Variants in USP2 observed in about 807,000 individuals in gnomAD.
USP2 encodes ubiquitin specific peptidase 2, also known as ubiquitin carboxyl-terminal hydrolase 2.
USP2 carries 33 observed loss-of-function variants against 72.0 expected under a neutral mutation model. The observed-to-expected ratio is 0.46, with a 90% CI of 0.35 to 0.61. The LOEUF (loss-of-function observed/expected upper bound fraction) is 0.61. Ranked by LOEUF, USP2 falls within the 20% of genes least tolerant of loss-of-function variation. The probability of loss-of-function intolerance (pLI) is 0.01; values close to 1 mark genes in which losing one functional copy is unlikely to be tolerated. For missense variants in USP2, 691 were observed against 797.8 expected, an observed-to-expected ratio of 0.87 and a Z score of 1.61; for synonymous variants, 296 against 312.5, an observed-to-expected ratio of 0.95 and a Z score of 0.56.
In USP2 at chr11:119,373,080, AC is replaced by A. The variant is rs1431504348; in HGVS notation, c.400del (p.Val134Ter). 1 of 1,613,786 alleles carries A rather than the reference AC, an allele frequency of 6.2e-7. No individual in the cohort carries two copies. The highest frequency in any genetic ancestry group is 1.7e-5 in the Admixed American group (1 of 60,002). On this transcript the variant is annotated frameshift_variant, in exon 2 of 13. Coordinates refer to ENST00000260187, the MANE Select transcript of USP2 (RefSeq NM_004205.5). LOFTEE classifies it high-confidence loss of function. ...YLPINAYDQG[V>X]TLTQKLDSQS... The stretch of plus-strand genomic sequence containing the variant: ...GCTGTCCAGCTTCTGGGTTAGGGTC[AC>A]CCCCTGGTCATAGGCATTGATGGGC...
intron 2 of USP2, among the ~76,000 whole-genome samples, chr11:119,362,146 A>G (rs145057880): frequency 7.3e-4 from 111 of 152,298 alleles, no homozygotes; most frequent in Middle Eastern, 3.4e-3. Flanking sequence ...GACCGTGTCA[A>G]TGTTCACCAA....
At chr11:119,359,762 T>C in intron 3 of USP2, 102 bp from the exon 4 acceptor site, 1 of 1,491,414 alleles carries the variant, frequency 6.7e-7, no homozygotes, top group South Asian at 1.3e-5. Flanking sequence ...TAGAATCCTT[T>C]CATAGGAGGC....
Position 119,355,939 on chromosome 11 carries a change from G to C in USP2, c.*896C>G, listed in dbSNP as rs1950641840. 6.6e-6 allele frequency: 1 copy of C among 152,016 alleles called. No individual in the cohort carries two copies. Among genetic ancestry groups the C allele is most frequent in the Admixed American group, 6.6e-5 (1 of 15,262 alleles). 9.4% of individuals were successfully genotyped at this position (152,016 alleles called of 1,614,324 possible). The stretch of plus-strand genomic sequence containing the variant: ...CCAGGCGGGTTTGAACAGAGCACTG[G>C]GGAAAAGGGAAGAGGCTGAGGGATA... On this transcript the variant is annotated 3_prime_UTR_variant, in exon 13 of 13. Transcript: ENST00000260187.
chr11:119,367,072 C>G (rs566608015), intron 2 of USP2, among the ~76,000 whole-genome samples: 22 of 152,184 alleles, frequency 1.4e-4, no homozygotes, highest in Admixed American at 3.9e-4. Context: ...CTCGGCCAGC[C>G]AGGTCTCTGT....
At chr11:119,378,628 G>A (rs1470190685) in intron 1 of USP2, among the ~76,000 whole-genome samples, 1 of 152,224 alleles carries the variant, frequency 6.6e-6, no homozygotes, top group Non-Finnish European at 1.5e-5. Context: ...TGGAGAAGAA[G>A]TGGATGGGCC....
Position 119,359,567 on chromosome 11 carries a change from C to T in USP2, c.919G>A (p.Gly307Ser), listed in dbSNP as rs201598684. The change falls in exon 4 of 13, where the codon GGC becomes AGC. Residue 307 changes from glycine to serine, a missense_variant. By Grantham distance (56) the Gly-to-Ser change is moderately conservative. Coordinates refer to ENST00000260187, the MANE Select transcript of USP2 (RefSeq NM_004205.5). ...ACGAGGGCTGTGTGTGCATTGCTGC[C>T]GTGGTGCAGGTCCCGCATGTAGAGC... ...QRLYMRDLHH[G>S]SNAHTALVEE... The T allele has an allele frequency of 3.1e-4, 505 of 1,613,952 alleles. 1 individual carries two copies. Among genetic ancestry groups the T allele is most frequent in the East Asian group, 6.0e-4 (27 of 44,864 alleles).
chr11:119,364,632 C>T (rs1275115799), intron 2 of USP2, among the ~76,000 whole-genome samples: 1 of 152,202 alleles, frequency 6.6e-6, no homozygotes, highest in Non-Finnish European at 1.5e-5. Flanking sequence ...GGGCGAAATA[C>T]GTATATGCAC....
rs750179259 is a variant in USP2, at chr11:119,373,157, G to A, written c.324C>T (p.Ser108=). 57 of 1,613,988 alleles carry A rather than the reference G, an allele frequency of 3.5e-5. No individual in the cohort carries two copies. The highest frequency in any genetic ancestry group is 1.9e-4 in the South Asian group (17 of 91,088). The change falls in exon 2 of 13, where the codon AGC becomes AGT. Residue 108 remains serine (S), a synonymous_variant. Coordinates refer to ENST00000260187, the MANE Select transcript of USP2 (RefSeq NM_004205.5). The part of the protein sequence containing the change: ...GTERPLGSGL[S]GGSGFPYGVT... ...CTCCATAAGGGAATCCGCTGCCCCC[G>A]CTGAGGCCACTGCCTAAAGGCCGCT...
chr11:119,359,501 G>T (rs749559370), intron 4 of USP2, 36 bp downstream of exon 4: 1 of 1,612,270 alleles, frequency 6.2e-7, no homozygotes. Flanking sequence ...GGAGCATCCG[G>T]GGGTAGGCAG....
intron 1 of USP2, among the ~76,000 whole-genome samples, chr11:119,376,055 C>T (rs1950996745): frequency 6.6e-6 from 1 of 152,230 alleles, no homozygotes; most frequent in Non-Finnish European, 1.5e-5. Flanking sequence ...TGGAAGCTGC[C>T]TCTCGGCTCT....
At chr11:119,370,314 C>G (rs753044293) in intron 2 of USP2, among the ~76,000 whole-genome samples, 2 of 152,260 alleles carry the variant, frequency 1.3e-5, no homozygotes, top group Non-Finnish European at 2.9e-5. Flanking sequence ...ATTTACTAAG[C>G]AACATGCCAG....
At position 119,378,096 on chromosome 11, in the gene USP2, C is replaced by T. The variant is rs368367349; in HGVS notation, c.-42+3377G>A. Among the ~76,000 whole-genome samples the T allele has an allele frequency of 3.9e-5, 6 of 152,228 alleles. No homozygotes were observed. In the South Asian group the frequency reaches 1.0e-3, roughly 26 times the overall value. ...CCCGCCAGGTGGTTGGGAGCCCCCA[C>T]AGTGGTGACCTCAGAGCTTCCTAAA... On this transcript the variant is annotated intron_variant, in intron 1 of 12. Coordinates refer to ENST00000260187, the MANE Select transcript of USP2 (RefSeq NM_004205.5).
chr11:119,368,521 A>G (rs150603723), intron 2 of USP2, among the ~76,000 whole-genome samples: 1 of 152,344 alleles, frequency 6.6e-6, no homozygotes, highest in Non-Finnish European at 1.5e-5. Context: ...GGGAAAAATC[A>G]CATGACCTCA....
At chr11:119,359,378 T>G (rs1424854562) in intron 4 of USP2, 36 bp from the exon 5 acceptor site, 1 of 1,593,270 alleles carries the variant, frequency 6.3e-7, no homozygotes, top group Non-Finnish European at 8.5e-7. Context: ...ACAGCTGAGA[T>G]ATTTTCTATA....
intron 1 of USP2, among the ~76,000 whole-genome samples, chr11:119,375,413 C>T (rs1950987566): frequency 6.6e-6 from 1 of 152,218 alleles, no homozygotes; most frequent in Non-Finnish European, 1.5e-5. Context: ...TACTGTCTAG[C>T]CTTTTGCCAC....
chr11:119,365,873 CT>C (rs1222609444), intron 2 of USP2, among the ~76,000 whole-genome samples: 1 of 150,868 alleles, frequency 6.6e-6, no homozygotes, highest in African/African-American at 2.4e-5. Context: ...GCTGTAGTAA[CT>C]ATTACCTCTA....
At chr11:119,356,973 C>G in intron 12 of USP2, 51 bp from the exon 13 acceptor site, 1 of 1,541,872 alleles carries the variant, frequency 6.5e-7, no homozygotes, top group Non-Finnish European at 8.8e-7. Flanking sequence ...CGGGAGACCC[C>G]CCGCCGGCTT....
In USP2 at chr11:119,356,715, C is replaced by G. The variant is rs1950658087; in HGVS notation, c.*120G>C. On this transcript the variant is annotated 3_prime_UTR_variant, in exon 13 of 13. Coordinates refer to ENST00000260187, the MANE Select transcript of USP2 (RefSeq NM_004205.5). ...TGCATCCACTCCTGCTCGGCAGCTT[C>G]AGGTTTGTTTTTCTCTTGTCAGGTT... 9.4e-7 allele frequency: 1 copy of G among 1,061,978 alleles called. No individual in the cohort carries two copies. The highest frequency in any genetic ancestry group is 1.3e-6 in the Non-Finnish European group (1 of 744,192). The allele number at this position is 1,061,978 out of a possible 1,614,324, so 65.8% of individuals were successfully genotyped here.
rs1162661661 is a variant in USP2 at position 119,381,602 on chromosome 11, CCTGA to C, written c.-175_-172del. The C allele has an allele frequency of 2.0e-6, 3 of 1,504,544 alleles. No individual in the cohort carries two copies. Among genetic ancestry groups the C allele is most frequent in the African/African-American group, 1.4e-5 (1 of 72,424 alleles). 93.2% of individuals were successfully genotyped at this position (1,504,544 alleles called of 1,614,324 possible). On this transcript the variant is annotated 5_prime_UTR_variant, in exon 1 of 13. The change abolishes the stop of an existing upstream ORF in the 5' untranslated region. Coordinates refer to ENST00000260187, the MANE Select transcript of USP2 (RefSeq NM_004205.5). ...GAGGGCTCCCCGGCCTCGGCTCCTG[CCTGA>C]CTCTCTCCCACCTCCGCCGGGGGCC...
Sources: allele counts gnomAD v4.1 joint callset (sites outside exome capture counted in the v4.1 genomes callset), GRCh38; gene constraint gnomAD v4.1.1; transcripts MANE v1.5; gene names NCBI Gene and HGNC (gene_info 2026-07-23, HGNC 2026-07-21).